SPRY4: variants seen among roughly 807,000 people sequenced by gnomAD.
The protein encoded by SPRY4 is protein sprouty homolog 4.
In SPRY4, 7 loss-of-function variants were observed where a neutral mutation model predicts 17.0. The ratio of observed to expected loss-of-function variants is 0.41; its 90% CI spans 0.23 to 0.77. The LOEUF (loss-of-function observed/expected upper bound fraction) is 0.77. Among genes scored for constraint, SPRY4 ranks in the 30% least tolerant of loss-of-function variants. SPRY4 has a pLI of 0.32. For synonymous variants in SPRY4, 183 were observed against 174.1 expected (o/e 1.05, Z -0.40); for missense variants, 435 against 419.9 (o/e 1.04, Z -0.31).
chr5:142,314,232 T>C lies in SPRY4; in HGVS notation c.877A>G (p.Ser293Gly), dbSNP rs1170906372. Residue 293 changes from serine (S) to glycine (G), a missense_variant, in exon 2 of 2, where the codon AGC becomes GGC. By Grantham distance (56) the Ser-to-Gly change is moderately conservative. Coordinates refer to ENST00000434127, the MANE Select transcript of SPRY4 (RefSeq NM_001127496.3). This position sits in a 1 kb window ranked among gnomAD's most constrained non-coding sequence, Gnocchi z 4.8. ...TGTCAGAAAGGCTTGTCGGGCCTGCTGGTCTTGGCATCCCCGCTGGCTGCT... is the reference window on the plus strand; with the variant it reads ...TGTCAGAAAGGCTTGTCGGGCCTGCCGGTCTTGGCATCCCCGCTGGCTGCT... ...CKAASGDAKT[S>G]RPDKPF 5.6e-6 allele frequency: 9 copies of C among 1,610,210 alleles called. No homozygotes were observed. Among genetic ancestry groups the C allele is most frequent in the Non-Finnish European group, 5.9e-6 (7 of 1,178,596 alleles).
chr5:142,315,129 G>A lies in SPRY4; in HGVS notation c.-21C>T, dbSNP rs1462705574. The A allele has an allele frequency of 6.2e-7, 1 of 1,601,792 alleles. No individual in the cohort carries two copies. On this transcript the variant is annotated 5_prime_UTR_variant, in exon 2 of 2. Coordinates refer to ENST00000434127, the MANE Select transcript of SPRY4 (RefSeq NM_001127496.3). ...TCCATGGGGCTGGAGGTCCTGGACTGTACGGAGAAACAGGCTTCTAGGGGC... is the reference window on the plus strand; with the variant it reads ...TCCATGGGGCTGGAGGTCCTGGACTATACGGAGAAACAGGCTTCTAGGGGC...
At chr5:142,319,221 T>C (rs2126996721) in intron 1 of SPRY4, among the ~76,000 whole-genome samples, 1 of 152,294 alleles carries the variant, frequency 6.6e-6, no homozygotes, top group Non-Finnish European at 1.5e-5. Flanking sequence ...TAGAACATCC[T>C]GGGGCTCTGC....
chr5:142,316,592 T>C (rs1333488691), intron 1 of SPRY4, among the ~76,000 whole-genome samples: 1 of 152,118 alleles, frequency 6.6e-6, no homozygotes, highest in Non-Finnish European at 1.5e-5. Flanking sequence ...TAATGTATTA[T>C]GGGGTGGGGT....
At chr5:142,318,500 GA>G (rs1009660245) in intron 1 of SPRY4, among the ~76,000 whole-genome samples, 3 of 150,858 alleles carry the variant, frequency 2.0e-5, no homozygotes, top group Non-Finnish European at 3.0e-5. Context: ...AAAAAAAAAA[GA>G]AAGAAAGAAA....
chr5:142,319,853 C>T, intron 1 of SPRY4: 1 of 1,478,390 alleles, frequency 6.8e-7, no homozygotes, highest in Admixed American at 1.9e-5. Context: ...TGCCTAATCC[C>T]ACCCACCCAC....
In SPRY4 at chr5:142,311,253, C is replaced by CG. The variant is rs1366593102; in HGVS notation, c.*2955dup. The CG allele has an allele frequency of 6.6e-6, 1 of 152,212 alleles. No homozygotes were observed. The highest frequency in any genetic ancestry group is 2.4e-5 in the African/African-American group (1 of 41,450). 9.4% of individuals were successfully genotyped at this position (152,212 alleles called of 1,614,324 possible). On this transcript the variant is annotated 3_prime_UTR_variant, in exon 2 of 2. Coordinates refer to ENST00000434127, the MANE Select transcript of SPRY4 (RefSeq NM_001127496.3). ...CAAGACCCAGTTCCCAGGGTGCTCG[C>CG]GGAAGCGCTGTCCTTCATTAACACG... is the stretch of plus-strand genomic sequence containing the variant.
chr5:142,324,162 A>C (rs1351892773), intron 1 of SPRY4: 1 of 152,356 alleles, frequency 6.6e-6, no homozygotes, highest in Admixed American at 6.5e-5. Context: ...GTCAACTGCA[A>C]GGCAGTTGCA....
At chr5:142,317,999 C>A (rs1759215660) in intron 1 of SPRY4, 1 of 985,352 alleles carries the variant, frequency 1.0e-6, no homozygotes, top group African/African-American at 1.7e-5. Context: ...AGTAGGATTC[C>A]TTTCAACCAC....
In SPRY4 at chr5:142,317,546, C is replaced by G. The variant is rs531510871; in HGVS notation, c.-47-2391G>C. ...ATTGCCCCATATAGTTGGGTTTTGTCTCTCAGGACCAGGATTGGGTCTGGT... is the reference window on the plus strand; with the variant it reads ...ATTGCCCCATATAGTTGGGTTTTGTGTCTCAGGACCAGGATTGGGTCTGGT... On this transcript the variant is annotated intron_variant, in intron 1 of 1. Transcript: ENST00000434127. 5.1e-6 allele frequency: 5 copies of G among 985,172 alleles called. No individual in the cohort carries two copies. The African/African-American group carries it at 8.7e-5, about 17-fold the overall frequency. 61.0% of individuals were successfully genotyped at this position (985,172 alleles called of 1,614,324 possible).
chr5:142,319,671 G>C, intron 1 of SPRY4: 4 of 1,563,828 alleles, frequency 2.6e-6, no homozygotes, highest in Non-Finnish European at 2.6e-6. Flanking sequence ...CAGAACACGC[G>C]CAACACTGTA....
rs1306240984 is a variant in SPRY4, at chr5:142,312,545, C to T, written c.*1664G>A. 6.6e-6 allele frequency: 1 copy of T among 152,148 alleles called. No individual in the cohort carries two copies. The highest frequency in any genetic ancestry group is 2.4e-5 in the African/African-American group (1 of 41,430). 9.4% of individuals were successfully genotyped at this position (152,148 alleles called of 1,614,324 possible). A position where few individuals can be genotyped will look rare whatever the true frequency, so the allele number is the denominator to read the frequency against. ...TACCTCGCTGCCTCCTTCCCGGAGG[C>T]ACCTCTGTTCCTATACAGAACAAAC... On this transcript the variant is annotated 3_prime_UTR_variant, in exon 2 of 2. Transcript: ENST00000434127.
rs147258139 is a variant in SPRY4, at chr5:142,314,882, G to A, written c.227C>T (p.Pro76Leu). The A allele has an allele frequency of 3.6e-5, 57 of 1,600,120 alleles. No homozygotes were observed. The Admixed American group carries it at 4.9e-4, about 14-fold the overall frequency. ...ATCCTGGTCACAGCGGGCGGGCGTC[G>A]GGGCCAGCTCTGGGGCCCCGCCCCG... ...RTRGGAPELA[P>L]TPARCDQDVT... Residue 76 changes from proline (P) to leucine (L), a missense_variant, in exon 2 of 2, where the codon CCG becomes CTG. Physicochemically the swap from Pro to Leu is moderately conservative, Grantham distance 98 (BLOSUM62 -3). Transcript: ENST00000434127. The surrounding 1 kb of genome is among the most constrained non-coding windows in gnomAD (Gnocchi z 4.8).
rs138982236 is a variant in SPRY4 at position 142,317,453 on chromosome 5, T to G, written c.-47-2298A>C. On this transcript the variant is annotated intron_variant, in intron 1 of 1. Transcript: ENST00000434127. ...GACAATGATAACATGAGTCCCTTGT[T>G]CCAGAAACCGATGTCAGGAATATTC... 406 of 985,358 alleles carry G rather than the reference T, an allele frequency of 4.1e-4. 5 individuals carry two copies. In the African/African-American group the frequency reaches 6.6e-3, roughly 16 times the overall value. The allele number at this position is 985,358 out of a possible 1,614,324, so 61.0% of individuals were successfully genotyped here. A position where few individuals can be genotyped will look rare whatever the true frequency, so the allele number is the denominator to read the frequency against.
chr5:142,315,292 C>T (rs1759113804), intron 1 of SPRY4, 137 bp from the exon 2 acceptor site: 2 of 600,008 alleles, frequency 3.3e-6, no homozygotes, highest in South Asian at 4.2e-5. Flanking sequence ...GTGGACTTTC[C>T]AGTGACTCCC....
rs932276188 is a variant in SPRY4, at chr5:142,317,561, T to A, written c.-47-2406A>T. ...TGGGTTTTGTCTCTCAGGACCAGGA[T>A]TGGGTCTGGTCATGCTGTGGAAGAA... On this transcript the variant is annotated intron_variant, in intron 1 of 1. Coordinates refer to ENST00000434127, the MANE Select transcript of SPRY4 (RefSeq NM_001127496.3). 4.1e-6 allele frequency: 4 copies of A among 985,138 alleles called. No homozygotes were observed. In the African/African-American group the frequency reaches 7.0e-5, roughly 17 times the overall value. 61.0% of individuals were successfully genotyped at this position (985,138 alleles called of 1,614,324 possible).
intron 1 of SPRY4, chr5:142,317,906 T>C: frequency 1.0e-5 from 10 of 985,386 alleles, no homozygotes; most frequent in Non-Finnish European, 1.2e-5. Flanking sequence ...CCACGATGAC[T>C]TGGCTCTCTG....
At chr5:142,317,113 C>A in intron 1 of SPRY4, 1 of 985,486 alleles carries the variant, frequency 1.0e-6, no homozygotes, top group Non-Finnish European at 1.2e-6. Context: ...CCAAAGCAGC[C>A]TCCCCTGGAG....
chr5:142,323,916 C>G (rs766046000), intron 1 of SPRY4: 1 of 152,370 alleles, frequency 6.6e-6, no homozygotes, highest in Non-Finnish European at 1.5e-5. Flanking sequence ...TCTGTGATGT[C>G]AAGCCTGGTA....
chr5:142,314,349 C>T lies in SPRY4; in HGVS notation c.760G>A (p.Ala254Thr). The T allele has an allele frequency of 6.2e-7, 1 of 1,614,038 alleles. No individual in the cohort carries two copies. The highest frequency in any genetic ancestry group is 8.5e-7 in the Non-Finnish European group (1 of 1,179,976). The part of the protein sequence containing the change: ...VLPCLLCYLP[A>T]TGCVKLAQRG... The stretch of plus-strand genomic sequence containing the variant: ...TGGGCCAGCTTCACGCAGCCGGTGG[C>T]AGGCAGGTAGCAGAGCAGGCAGGGC... Residue 254 changes from alanine to threonine, a missense_variant, in exon 2 of 2, where the codon GCC (alanine) becomes ACC (threonine). Transcript: ENST00000434127. This position sits in a 1 kb window ranked among gnomAD's most constrained non-coding sequence, Gnocchi z 4.8.
Sources: gnomAD v4.1 joint callset for allele counts (sites outside exome capture counted in the v4.1 genomes callset) on GRCh38, gnomAD v4.1.1 for gene constraint, Gnocchi (gnomAD v3.1) non-coding constraint, MANE v1.5 for transcripts, NCBI Gene and HGNC (gene_info 2026-07-23, HGNC 2026-07-21) for gene names.